ABL1: variants seen among roughly 807,000 people sequenced by gnomAD.
The protein encoded by ABL1 is ABL proto-oncogene 1, non-receptor tyrosine kinase.
Under a neutral mutation model 94.7 loss-of-function variants are expected in ABL1, and 11 were observed. The ratio of observed to expected loss-of-function variants is 0.12; its 90% CI spans 0.07 to 0.19. ABL1 has a LOEUF of 0.19. Ranked by LOEUF, ABL1 falls within the 10% of genes least tolerant of loss-of-function variation. ABL1 has a pLI of 1.00. For missense variants in ABL1, 1,082 were observed against 1,489.4 expected (o/e 0.73, Z 4.50); for synonymous variants, 656 against 622.4 (o/e 1.05, Z -0.80).
intron 1 of ABL1, among the ~76,000 whole-genome samples, chr9:130,807,771 C>A (rs1346577351): frequency 2.1e-5 from 3 of 143,270 alleles, no homozygotes; most frequent in Non-Finnish European, 4.5e-5. Flanking sequence ...GATCTCGGCT[C>A]ACCGCAGTCA....
intron 1 of ABL1, among the ~76,000 whole-genome samples, chr9:130,722,343 A>G (rs544544325): frequency 1.1e-4 from 16 of 152,260 alleles, no homozygotes; most frequent in Admixed American, 5.2e-4. Context: ...CAGTGAGCCA[A>G]GATCACACCA....
rs376567477 is a variant in ABL1, at chr9:130,884,590, C to A, written c.2300C>A (p.Ala767Glu). 5.0e-6 allele frequency: 8 copies of A among 1,613,226 alleles called. No homozygotes were observed. Among genetic ancestry groups the A allele is most frequent in the Non-Finnish European group, 6.8e-6 (8 of 1,180,020 alleles). ...AAGCCGGCTCTGCCTCGGAAGAGGGCAGGGGAGAACAGGTCTGACCAGGTG... is the reference window on the plus strand; with the variant it reads ...AAGCCGGCTCTGCCTCGGAAGAGGGAAGGGGAGAACAGGTCTGACCAGGTG... ...SEKPALPRKRAGENRSDQVTR... is the reference protein window; with the variant it reads ...SEKPALPRKREGENRSDQVTR... The change falls in exon 11 of 11, where the codon GCA becomes GAA. Residue 767 changes from alanine (A) to glutamate (E), a missense_variant. This residue lies in a region of ABL1 where 780 missense variants were observed against 835.8 expected (regional missense o/e 0.93). Coordinates refer to ENST00000318560, the MANE Select transcript of ABL1 (RefSeq NM_005157.6). This position sits in a 1 kb window ranked among gnomAD's most constrained non-coding sequence, Gnocchi z 5.6.
At chr9:130,715,568 C>T (rs1186427606) in intron 1 of ABL1, among the ~76,000 whole-genome samples, 1 of 152,140 alleles carries the variant, frequency 6.6e-6, no homozygotes, top group African/African-American at 2.4e-5. Context: ...TCTATTTTAG[C>T]TTTGTTTTTA....
At position 130,872,216 on chromosome 9, in the gene ABL1, G is replaced by A. The variant is rs749641081; in HGVS notation, c.907+3G>A. On this transcript the variant is annotated splice_donor_region_variant and intron_variant, in intron 5 of 10. Coordinates refer to ENST00000318560, the MANE Select transcript of ABL1 (RefSeq NM_005157.6). The surrounding 1 kb of genome is among the most constrained non-coding windows in gnomAD (Gnocchi z 5.0). ...CCCTAACCTGGTGCAGCTCCTTGGT[G>A]AGTAAGCCCGGGGCTCTGAAGAGAG... The A allele has an allele frequency of 8.1e-6, 13 of 1,613,364 alleles. No individual in the cohort carries two copies. Among genetic ancestry groups the A allele is most frequent in the Non-Finnish European group, 1.1e-5 (13 of 1,179,644 alleles).
Position 130,841,888 on chromosome 9 carries a change from T to G in ABL1, c.79+6363T>G, listed in dbSNP as rs138435281. Among the ~76,000 whole-genome samples the G allele has an allele frequency of 9.8e-3, 1,480 of 151,012 alleles. 12 individuals carry two copies. Among genetic ancestry groups the G allele is most frequent in the South Asian group, 0.021 (101 of 4,776 alleles). On this transcript the variant is annotated intron_variant, in intron 1 of 10. Transcript: ENST00000318560. ...AAATATTTTTGTTATATTGCGTGTG[T>G]TGAGTACTGGTGATAGGGAAGACAG...
intron 1 of ABL1, among the ~76,000 whole-genome samples, chr9:130,735,312 GA>G (rs1831720820): frequency 6.6e-6 from 1 of 152,204 alleles, no homozygotes; most frequent in African/African-American, 2.4e-5. Flanking sequence ...ATACAGGTAT[GA>G]GCCACTGTGC....
At chr9:130,834,327 T>G (rs1291262199), upstream of ABL1, among the ~76,000 whole-genome samples, 1 of 152,200 alleles carries the variant, frequency 6.6e-6, no homozygotes, top group Non-Finnish European at 1.5e-5. Context: ...AATAAATTCC[T>G]TTTCCTGTCA....
intron 1 of ABL1, among the ~76,000 whole-genome samples, chr9:130,848,326 C>G (rs1023389341): frequency 1.4e-5 from 2 of 146,898 alleles, no homozygotes; most frequent in Non-Finnish European, 3.0e-5. Flanking sequence ...CATGGCAAAA[C>G]CCCGTCTCTA....
intron 3 of ABL1, among the ~76,000 whole-genome samples, chr9:130,858,884 C>T (rs1045223070): frequency 1.9e-4 from 29 of 152,252 alleles, no homozygotes; most frequent in Non-Finnish European, 2.9e-4. Context: ...TGTCTCTCCT[C>T]GTGTTCTGAG....
intron 1 of ABL1, among the ~76,000 whole-genome samples, chr9:130,826,609 C>T (rs1830428818): frequency 6.6e-6 from 1 of 152,058 alleles, no homozygotes; most frequent in African/African-American, 2.4e-5. Context: ...GCGGAAAGGT[C>T]AGAAATTAGA....
intron 1 of ABL1, among the ~76,000 whole-genome samples, chr9:130,717,938 C>G (rs992457381): frequency 1.3e-5 from 2 of 151,426 alleles, no homozygotes; most frequent in Admixed American, 6.6e-5. Flanking sequence ...GCTTGAACCC[C>G]GGAGCGGAGG....
chr9:130,884,968 C>A lies in ABL1; in HGVS notation c.2678C>A (p.Ser893Tyr). Residue 893 changes from serine to tyrosine, a missense_variant, in exon 11 of 11, where the codon TCC becomes TAC. Around this residue, in one of 7 missense-constraint regions of ABL1, gnomAD observed 780 missense variants for 835.8 expected, o/e 0.93. Transcript: ENST00000318560. The surrounding 1 kb of genome is among the most constrained non-coding windows in gnomAD (Gnocchi z 5.6). ...ESPGRDKGKL[S>Y]RLKPAPPPPP... ...CCAGGGAGGGACAAGGGGAAATTGT[C>A]CAGGCTCAAACCTGCCCCGCCGCCC... 1.9e-6 allele frequency: 3 copies of A among 1,611,192 alleles called. No individual in the cohort carries two copies. Among genetic ancestry groups the A allele is most frequent in the South Asian group, 1.1e-5 (1 of 90,904 alleles).
chr9:130,745,153 C>T (rs1043419976), intron 1 of ABL1, among the ~76,000 whole-genome samples: 18 of 146,084 alleles, frequency 1.2e-4, no homozygotes, highest in Admixed American at 2.1e-4. Flanking sequence ...GGTGTGATCT[C>T]GGCTTACTGC....
chr9:130,735,963 T>TATA (rs1554757978), intron 1 of ABL1, among the ~76,000 whole-genome samples: 2,582 of 77,446 alleles, frequency 0.033, 27 homozygotes, highest in Middle Eastern at 0.052. Context: ...ATATATATAT[T>TATA]TTTTTTTTTT....
chr9:130,794,904 A>G (rs1221348679), intron 1 of ABL1, among the ~76,000 whole-genome samples: 2 of 152,236 alleles, frequency 1.3e-5, no homozygotes, highest in African/African-American at 2.4e-5. Context: ...CCCAGGAACA[A>G]TGGACTCACT....
chr9:130,815,775 A>G (rs987338089), intron 1 of ABL1, among the ~76,000 whole-genome samples: 1 of 152,158 alleles, frequency 6.6e-6, no homozygotes, highest in African/African-American at 2.4e-5. Context: ...TAATCCCAGC[A>G]CTTTGGGAGG....
At chr9:130,750,035 T>C (rs1183363349) in intron 1 of ABL1, among the ~76,000 whole-genome samples, 1 of 151,050 alleles carries the variant, frequency 6.6e-6, no homozygotes, top group Admixed American at 6.6e-5. Context: ...AAATAAATTA[T>C]CCAGGTGTGG....
upstream of ABL1, among the ~76,000 whole-genome samples, chr9:130,830,695 A>G (rs939191923): frequency 3.9e-5 from 6 of 152,238 alleles, no homozygotes; most frequent in Non-Finnish European, 8.8e-5. Context: ...GGAAATAACA[A>G]TAGCTACTGT....
chr9:130,732,306 G>GCCAT lies in ABL1; in HGVS notation c.136+17853_136+17856dup, dbSNP rs1190441213. Among the ~76,000 whole-genome samples, 9 of 152,072 alleles carry GCCAT rather than the reference G, an allele frequency of 5.9e-5. No homozygotes were observed. The East Asian group carries it at 1.7e-3, about 29-fold the overall frequency. ...TTTATATTCCTGAGGACCACCACTG[G>GCCAT]CCATCTGCTTGGGAGAATGGTTATG... On this transcript the variant is annotated intron_variant, in intron 1 of 10. Coordinates refer to the ABL1 transcript ENST00000372348.
Sources: allele counts gnomAD v4.1 joint callset (sites outside exome capture counted in the v4.1 genomes callset), GRCh38; gene constraint gnomAD v4.1.1; regional missense constraint gnomAD v4.1.1; non-coding constraint Gnocchi (gnomAD v3.1); transcripts MANE v1.5; gene names NCBI Gene and HGNC (gene_info 2026-07-23, HGNC 2026-07-21).